GNAO1: variants seen among roughly 807,000 people sequenced by gnomAD.
GNAO1 encodes guanine nucleotide-binding protein G(o) subunit alpha.
For missense variants in GNAO1, 166 were observed against 478.7 expected (o/e 0.35, Z 6.10); for synonymous variants, 164 against 180.7 (o/e 0.91, Z 0.74).
chr16:56,312,578 A>G (rs527487696), intron 3 of GNAO1, among the ~76,000 whole-genome samples: 1 of 152,342 alleles, frequency 6.6e-6, no homozygotes, highest in East Asian at 1.9e-4. Flanking sequence ...CCCAACTCTG[A>G]CAACCTTCCT....
At chr16:56,285,916 T>G (rs2037162065) in intron 3 of GNAO1, among the ~76,000 whole-genome samples, 1 of 152,186 alleles carries the variant, frequency 6.6e-6, no homozygotes. Flanking sequence ...GAGCCCTTTG[T>G]GGATGTATAA....
chr16:56,253,158 G>T (rs1370128313), intron 2 of GNAO1, among the ~76,000 whole-genome samples: 1 of 152,168 alleles, frequency 6.6e-6, no homozygotes, highest in Non-Finnish European at 1.5e-5. Context: ...CCTGGCCCAG[G>T]TTCCAGTCAG....
At chr16:56,254,348 C>G (rs536077116) in intron 2 of GNAO1, among the ~76,000 whole-genome samples, 39 of 152,158 alleles carry the variant, frequency 2.6e-4, no homozygotes, top group Non-Finnish European at 5.0e-4. Flanking sequence ...TATTTAGCTT[C>G]TGTGTTTAAT....
At chr16:56,327,433 G>C (rs1271051692) in intron 3 of GNAO1, among the ~76,000 whole-genome samples, 1 of 152,150 alleles carries the variant, frequency 6.6e-6, no homozygotes. Context: ...GTGGGCAGAG[G>C]AGGGGTGAAA....
chr16:56,276,056 G>C lies in GNAO1; in HGVS notation c.287G>C (p.Gly96Ala), dbSNP rs189990922. The change falls in exon 3 of 9, where the codon GGT (glycine) becomes GCT (alanine). Residue 96 changes from glycine to alanine, a missense_variant. Transcript: ENST00000262493. ...ATGGACACTTTGGGCATCGAATATG[G>C]TGATAAGGAGAGAAAGGTAGGCCCC... ...RAMDTLGIEY[G>A]DKERKADAKM... 8 of 1,613,814 alleles carry C rather than the reference G, an allele frequency of 5.0e-6. No individual in the cohort carries two copies. The highest frequency in any genetic ancestry group is 6.8e-6 in the Non-Finnish European group (8 of 1,179,852).
At chr16:56,235,358 G>C in intron 2 of GNAO1, 1 of 456,062 alleles carries the variant, frequency 2.2e-6, no homozygotes, top group Admixed American at 2.3e-5. Context: ...AGATGAAGAA[G>C]TTGAATCCTG....
chr16:56,300,730 T>C (rs1379790651), intron 3 of GNAO1: 3 of 152,372 alleles, frequency 2.0e-5, no homozygotes, highest in Middle Eastern at 3.4e-3. Flanking sequence ...TTTTAAAATA[T>C]AAACTTTTAC....
intron 2 of GNAO1, among the ~76,000 whole-genome samples, chr16:56,263,119 G>A (rs1463357962): frequency 6.6e-6 from 1 of 152,202 alleles, no homozygotes; most frequent in Admixed American, 6.5e-5. Flanking sequence ...ACAAGGAAAG[G>A]GCCACAGACT....
At chr16:56,349,106 G>T (rs751681913) in intron 6 of GNAO1, among the ~76,000 whole-genome samples, 2 of 152,200 alleles carry the variant, frequency 1.3e-5, no homozygotes, top group South Asian at 4.1e-4. Context: ...GAGATGTAGG[G>T]GCTGTGGCGG....
chr16:56,271,255 T>G (rs1225468175), intron 2 of GNAO1: 2 of 152,210 alleles, frequency 1.3e-5, no homozygotes, highest in Non-Finnish European at 2.9e-5. Flanking sequence ...GCCTAACCTA[T>G]CTGAGCCTCA....
chr16:56,307,114 T>TC (rs1233985580), intron 3 of GNAO1: 1 of 152,196 alleles, frequency 6.6e-6, no homozygotes, highest in Non-Finnish European at 1.5e-5. Context: ...CACCCAAGTC[T>TC]CCCCCAGGAG....
chr16:56,240,455 C>A (rs558297966), intron 2 of GNAO1, among the ~76,000 whole-genome samples: 1 of 152,262 alleles, frequency 6.6e-6, no homozygotes, highest in African/African-American at 2.4e-5. Flanking sequence ...CAACCACTTT[C>A]CTAGAACTGC....
chr16:56,260,236 C>T (rs1199203609), intron 2 of GNAO1, among the ~76,000 whole-genome samples: 4 of 152,278 alleles, frequency 2.6e-5, no homozygotes, highest in East Asian at 1.9e-4. Context: ...GCTACTGTGG[C>T]GTGGCTAAGT....
At chr16:56,271,784 C>T (rs1334754689) in intron 2 of GNAO1, among the ~76,000 whole-genome samples, 4 of 152,182 alleles carry the variant, frequency 2.6e-5, no homozygotes, top group African/African-American at 9.7e-5. Context: ...TTGTTTTATA[C>T]TTACTATATG....
intron 3 of GNAO1, among the ~76,000 whole-genome samples, chr16:56,278,859 A>G (rs2037088579): frequency 6.6e-6 from 1 of 152,074 alleles, no homozygotes; most frequent in East Asian, 1.9e-4. Context: ...AGCTGGAGCT[A>G]CCTGCAGCCA....
intron 8 of GNAO1, 185 bp from the exon 9 acceptor site, chr16:56,355,918 G>A (rs570586384): frequency 2.0e-5 from 3 of 152,184 alleles, no homozygotes; most frequent in Admixed American, 6.6e-5. Context: ...AGGGTCTCAG[G>A]GGGGGGCCAG....
chr16:56,298,320 A>G (rs534154011), intron 3 of GNAO1, among the ~76,000 whole-genome samples: 1 of 152,294 alleles, frequency 6.6e-6, no homozygotes, highest in South Asian at 2.1e-4. Flanking sequence ...CGAGCCCCAG[A>G]TGTGGGTTAA....
At chr16:56,269,097 G>A (rs766550191) in intron 2 of GNAO1, among the ~76,000 whole-genome samples, 8 of 152,262 alleles carry the variant, frequency 5.3e-5, no homozygotes, top group South Asian at 2.1e-4. Context: ...ACAGCTCTCC[G>A]TCAGTGTTCA....
chr16:56,353,360 C>A (rs1424312342), intron 7 of GNAO1: 1 of 152,204 alleles, frequency 6.6e-6, no homozygotes, highest in African/African-American at 2.4e-5. Context: ...CACTAGATGC[C>A]CCAGCGAAGG....
Sources: gnomAD v4.1 joint callset for allele counts (sites outside exome capture counted in the v4.1 genomes callset) on GRCh38, gnomAD v4.1.1 for gene constraint, MANE v1.5 for transcripts, NCBI Gene and HGNC (gene_info 2026-07-23, HGNC 2026-07-21) for gene names.